RBFOX1: variants seen among roughly 807,000 people sequenced by gnomAD.
RBFOX1 encodes RNA binding protein fox-1 homolog 1.
Under a neutral mutation model 57.7 loss-of-function variants are expected in RBFOX1, and 8 were observed. The ratio of observed to expected loss-of-function variants is 0.14; its 90% CI spans 0.08 to 0.25. The LOEUF (loss-of-function observed/expected upper bound fraction) is 0.25, where lower values mean the gene tolerates loss of function less well. Ranked by LOEUF, RBFOX1 falls within the 10% of genes least tolerant of loss-of-function variation. The pLI is 1.00. For missense variants in RBFOX1, 611 were observed against 548.5 expected, an observed-to-expected ratio of 1.11 and a Z score of -1.14; for synonymous variants, 326 against 222.4, an observed-to-expected ratio of 1.47 and a Z score of -4.15.
At chr16:7,433,314 T>C (rs2098696839) in intron 4 of RBFOX1, among the ~76,000 whole-genome samples, 1 of 152,234 alleles carries the variant, frequency 6.6e-6, no homozygotes, top group African/African-American at 2.4e-5. Flanking sequence ...TTAGTTTGCA[T>C]TCTCCACAAT....
At chr16:6,772,183 T>C (rs894832381) in intron 3 of RBFOX1, among the ~76,000 whole-genome samples, 5 of 152,048 alleles carry the variant, frequency 3.3e-5, no homozygotes, top group Non-Finnish European at 7.4e-5. Flanking sequence ...GAATGAATGA[T>C]TGATGGACTG....
chr16:6,931,315 A>ATCTG (rs1422086555), intron 3 of RBFOX1, among the ~76,000 whole-genome samples: 4 of 127,906 alleles, frequency 3.1e-5, no homozygotes, highest in South Asian at 5.0e-4. Context: ...CTATCTATCT[A>ATCTG]TCTATCTATC....
At chr16:5,695,381 A>G (rs2050815798) in intron 3 of RBFOX1, among the ~76,000 whole-genome samples, 1 of 152,200 alleles carries the variant, frequency 6.6e-6, no homozygotes, top group African/African-American at 2.4e-5. Flanking sequence ...AAGAGCAAGC[A>G]GGATGGTAAA....
At chr16:5,471,051 C>A (rs181206973) in intron 2 of RBFOX1, among the ~76,000 whole-genome samples, 1 of 152,108 alleles carries the variant, frequency 6.6e-6, no homozygotes, top group Non-Finnish European at 1.5e-5. Context: ...CGGGGCTGGT[C>A]TCAAACTCCT....
chr16:5,544,512 A>C (rs1199968506), intron 2 of RBFOX1, among the ~76,000 whole-genome samples: 1 of 152,194 alleles, frequency 6.6e-6, no homozygotes, highest in Non-Finnish European at 1.5e-5. Flanking sequence ...AAATCAACAC[A>C]AAGTAAGCAG....
At chr16:7,063,321 G>A (rs190254482) in intron 4 of RBFOX1, among the ~76,000 whole-genome samples, 5 of 152,008 alleles carry the variant, frequency 3.3e-5, no homozygotes, top group Admixed American at 1.3e-4. Flanking sequence ...GACCACCCCC[G>A]TGCCCACAGA....
chr16:7,071,585 A>ATG (rs1491218089), intron 4 of RBFOX1, among the ~76,000 whole-genome samples: 2 of 78,802 alleles, frequency 2.5e-5, no homozygotes, highest in African/African-American at 1.1e-4. Context: ...ATTTGCCCAG[A>ATG]TATGTGTGTG....
At chr16:5,422,165 G>C (rs933580329) in intron 1 of RBFOX1, among the ~76,000 whole-genome samples, 4 of 151,936 alleles carry the variant, frequency 2.6e-5, no homozygotes, top group Non-Finnish European at 4.4e-5. Context: ...ATATGGCATT[G>C]TTTGTAGAGG....
At chr16:7,567,710 CTATA>C (rs148307703) in intron 5 of RBFOX1, among the ~76,000 whole-genome samples, 18,449 of 133,670 alleles carry the variant, frequency 0.14, 1,975 homozygotes, top group African/African-American at 0.26. Context: ...TATATAATCC[CTATA>C]TATATATATC....
chr16:5,939,525 A>G (rs2059238904), intron 4 of RBFOX1, among the ~76,000 whole-genome samples: 1 of 152,190 alleles, frequency 6.6e-6, no homozygotes, highest in South Asian at 2.1e-4. Context: ...TCCTCACAAC[A>G]TGGCTGCTGG....
At chr16:7,632,490 T>C (rs1023741610) in intron 11 of RBFOX1, among the ~76,000 whole-genome samples, 1 of 152,192 alleles carries the variant, frequency 6.6e-6, no homozygotes, top group African/African-American at 2.4e-5. Context: ...ACTGAGGAAA[T>C]GGAGGGCAAT....
intron 3 of RBFOX1, among the ~76,000 whole-genome samples, chr16:6,726,368 TAATA>T (rs907725365): frequency 1.1e-4 from 16 of 150,894 alleles, no homozygotes; most frequent in Non-Finnish European, 1.8e-4. Flanking sequence ...TGTAAAAAAA[TAATA>T]AATAAAAATA....
chr16:6,446,706 T>G (rs1376772424), intron 2 of RBFOX1, among the ~76,000 whole-genome samples: 1 of 152,192 alleles, frequency 6.6e-6, no homozygotes, highest in African/African-American at 2.4e-5. Flanking sequence ...TTAATATAGA[T>G]TAAATAGAGT....
Position 6,498,348 on chromosome 16 carries a change from A to G in RBFOX1, c.-63-156255A>G, listed in dbSNP as rs76975444. Among the ~76,000 whole-genome samples, 745 of 152,310 alleles carry G rather than the reference A, an allele frequency of 4.9e-3. 24 individuals carry two copies. In the East Asian group the frequency reaches 0.096, roughly 20 times the overall value. ...AGAATTTAGAGAGACTTATGAGCAG[A>G]AATATATATTGACAGAAGAGCAAAA... On this transcript the variant is annotated intron_variant, in intron 2 of 15. Coordinates refer to ENST00000550418, the MANE Select transcript of RBFOX1 (RefSeq NM_018723.4).
chr16:5,338,683 C>T (rs1299465890), intron 1 of RBFOX1, among the ~76,000 whole-genome samples: 1 of 152,130 alleles, frequency 6.6e-6, no homozygotes. Context: ...CTTTGTCACC[C>T]AGCCAGAATC....
chr16:5,922,177 C>T (rs2058838338), intron 4 of RBFOX1, among the ~76,000 whole-genome samples: 1 of 151,932 alleles, frequency 6.6e-6, no homozygotes, highest in African/African-American at 2.4e-5. Flanking sequence ...GAAACAAACC[C>T]CCAAACCCTA....
chr16:6,470,013 T>G (rs1438401119), intron 2 of RBFOX1, among the ~76,000 whole-genome samples: 2 of 152,230 alleles, frequency 1.3e-5, no homozygotes, highest in Non-Finnish European at 2.9e-5. Context: ...AGTGTCCTAT[T>G]CAAACTTAAT....
intron 4 of RBFOX1, among the ~76,000 whole-genome samples, chr16:7,353,976 A>T (rs1192268148): frequency 6.6e-6 from 1 of 151,998 alleles, no homozygotes; most frequent in African/African-American, 2.4e-5. Context: ...ATTTTATTTT[A>T]TTTTATTTTT....
intron 4 of RBFOX1, among the ~76,000 whole-genome samples, chr16:7,314,124 G>C (rs2096384139): frequency 6.6e-6 from 1 of 152,098 alleles, no homozygotes. Flanking sequence ...GGAAGGGAGA[G>C]GGGAAAGAAC....
Sources: allele counts gnomAD v4.1 joint callset (sites outside exome capture counted in the v4.1 genomes callset), GRCh38; gene constraint gnomAD v4.1.1; transcripts MANE v1.5; gene names NCBI Gene and HGNC (gene_info 2026-07-23, HGNC 2026-07-21).